Variants in ECSCR observed in about 807,000 individuals in gnomAD.
ECSCR encodes endothelial cell-specific chemotaxis regulator.
Under a neutral mutation model 16.7 loss-of-function variants are expected in ECSCR, and 12 were observed. The ratio of observed to expected loss-of-function variants is 0.72; its 90% CI spans 0.46 to 1.17. The LOEUF is 1.17. ECSCR is among the 50% of genes most tolerant of loss of function. ECSCR has a pLI of 0.00. For synonymous variants in ECSCR, 44 were observed against 42.2 expected (o/e 1.04, Z -0.17); for missense variants, 122 against 116.1 (o/e 1.05, Z -0.23).
chr5:139,458,704 G>A lies in ECSCR; in HGVS notation c.62-521C>T, dbSNP rs371897911. Among the ~76,000 whole-genome samples the A allele has an allele frequency of 2.1e-4, 32 of 151,332 alleles. No individual in the cohort carries two copies. In the Middle Eastern group the frequency reaches 0.01, roughly 49 times the overall value. ...TCTATTAAAAATACAAAAATTAGCA[G>A]GCCTGATGGCACACGCCTGTAATCC... On this transcript the variant is annotated intron_variant, in intron 1 of 9. Coordinates refer to ENST00000618155, the MANE Select transcript of ECSCR (RefSeq NM_001077693.4).
chr5:139,460,523 A>G (rs1327021403), intron 1 of ECSCR, among the ~76,000 whole-genome samples: 1 of 152,206 alleles, frequency 6.6e-6, no homozygotes, highest in African/African-American at 2.4e-5. Flanking sequence ...TCCTGCATTT[A>G]TCTAGAAAGA....
At position 139,448,993 on chromosome 5, in the gene ECSCR, A is replaced by T. The variant is rs1442326082; in HGVS notation, c.609+85T>A. ...GAGGGGAGAAAAGCCAGAGTCTTTGAAAGTATCTCCTTTCTGGCCTGAAAG... is the reference window on the plus strand; with the variant it reads ...GAGGGGAGAAAAGCCAGAGTCTTTGTAAGTATCTCCTTTCTGGCCTGAAAG... On this transcript the variant is annotated intron_variant, in intron 9 of 9. Coordinates refer to ENST00000618155, the MANE Select transcript of ECSCR (RefSeq NM_001077693.4). 2.0e-6 allele frequency: 3 copies of T among 1,534,322 alleles called. No individual in the cohort carries two copies. In the East Asian group the frequency reaches 7.3e-5, roughly 38 times the overall value.
chr5:139,459,210 AC>A (rs1307151971), intron 1 of ECSCR, among the ~76,000 whole-genome samples: 3 of 152,058 alleles, frequency 2.0e-5, no homozygotes, highest in Non-Finnish European at 4.4e-5. Flanking sequence ...AGCTACTGTC[AC>A]CCTGGTCCTG....
chr5:139,456,394 G>C (rs1299526835), intron 5 of ECSCR, 80 bp downstream of exon 5: 1 of 397,374 alleles, frequency 2.5e-6, no homozygotes, highest in African/African-American at 2.1e-5. Context: ...AAAAATCTGA[G>C]AGCCAAGGGA....
chr5:139,451,059 A>G (rs1170295875), intron 8 of ECSCR, among the ~76,000 whole-genome samples: 1 of 151,980 alleles, frequency 6.6e-6, no homozygotes, highest in Admixed American at 6.6e-5. Flanking sequence ...CTGGCCTCAG[A>G]GGAGCCTGTC....
At chr5:139,459,280 C>T (rs1260495708) in intron 1 of ECSCR, among the ~76,000 whole-genome samples, 2 of 152,080 alleles carry the variant, frequency 1.3e-5, no homozygotes, top group African/African-American at 4.8e-5. Flanking sequence ...GGGATTAGGG[C>T]TTGTATCTTG....
chr5:139,448,866 T>C lies in ECSCR; in HGVS notation c.*34A>G. The stretch of plus-strand genomic sequence containing the variant: ...TCCTTGTAGTCACAGGGCAGCTGCA[T>C]CATCCTTGGACTCATGGGGACCCAA... On this transcript the variant is annotated 3_prime_UTR_variant, in exon 10 of 10. Transcript: ENST00000618155. 11 of 1,537,054 alleles carry C rather than the reference T, an allele frequency of 7.2e-6. No individual in the cohort carries two copies. The highest frequency in any genetic ancestry group is 1.2e-5 in the South Asian group (1 of 83,986).
chr5:139,455,554 G>A, intron 5 of ECSCR, 118 bp from the exon 6 acceptor site: 1 of 386,828 alleles, frequency 2.6e-6, no homozygotes, highest in Non-Finnish European at 4.6e-6. Flanking sequence ...AGAGCTAGGA[G>A]GTCAGACTGG....
chr5:139,452,629 T>G, intron 8 of ECSCR, among the ~76,000 whole-genome samples: 1 of 138,208 alleles, frequency 7.2e-6, no homozygotes, highest in Non-Finnish European at 1.6e-5. Context: ...TGGTGTGTGA[T>G]GTGTGGGGTG....
chr5:139,449,485 G>T (rs558337978), intron 8 of ECSCR, among the ~76,000 whole-genome samples: 1 of 151,786 alleles, frequency 6.6e-6, no homozygotes, highest in East Asian at 1.9e-4. Context: ...TTACAAGCAC[G>T]TGCCACCATG....
chr5:139,453,827 G>A (rs1292082016), intron 8 of ECSCR, among the ~76,000 whole-genome samples: 12 of 122,696 alleles, frequency 9.8e-5, no homozygotes, highest in Non-Finnish European at 2.0e-4. Context: ...GGGATGTGTG[G>A]TGTGTGGGTA....
At chr5:139,458,300 C>A in intron 1 of ECSCR, 117 bp from the exon 2 acceptor site, 11 of 880,908 alleles carry the variant, frequency 1.2e-5, no homozygotes, top group Non-Finnish European at 1.5e-5. Context: ...GACCCTGTCT[C>A]TAAAAAAAAA....
At chr5:139,454,483 T>C (rs1425419795) in intron 8 of ECSCR, 119 bp downstream of exon 8, 2 of 385,826 alleles carry the variant, frequency 5.2e-6, no homozygotes, top group African/African-American at 4.3e-5. Context: ...GTGTGTGTGA[T>C]GTGTGAAGGT....
At position 139,457,556 on chromosome 5, in the gene ECSCR, G is replaced by C; in HGVS notation, c.206C>G (p.Thr69Ser). The C allele has an allele frequency of 1.3e-6, 1 of 789,950 alleles. No individual in the cohort carries two copies. 48.9% of individuals were successfully genotyped at this position (789,950 alleles called of 1,614,324 possible). A position where few individuals can be genotyped will look rare whatever the true frequency, so the allele number is the denominator to read the frequency against. Residue 69 changes from threonine (T) to serine (S), a missense_variant, in exon 4 of 10, where the codon ACT (threonine) becomes AGT (serine). Thr to Ser is a moderately conservative substitution (Grantham distance 58). Coordinates refer to ENST00000618155, the MANE Select transcript of ECSCR (RefSeq NM_001077693.4). ...GAATGACACAGTACCTGGGGTACCA[G>C]TGCTGGACAGATGGCTTGGCCTGTT... ...EANRPSHLSS[T>S]GTPGAGVPSS...
At position 139,456,464 on chromosome 5, in the gene ECSCR, C is replaced by T. The variant is rs2152089332; in HGVS notation, c.262+10G>A. ...CGACTTCTCTTCAGGGCGAGTGCAG[C>T]AGGACATACCTCTGCTTGTGCCTCC... On this transcript the variant is annotated intron_variant, in intron 5 of 9. Transcript: ENST00000618155. 2.5e-6 allele frequency: 1 copy of T among 398,622 alleles called. No individual in the cohort carries two copies. The highest frequency in any genetic ancestry group is 1.3e-4 in the South Asian group (1 of 7,856). The allele number at this position is 398,622 out of a possible 1,614,324, so 24.7% of individuals were successfully genotyped here. A position where few individuals can be genotyped will look rare whatever the true frequency, so the allele number is the denominator to read the frequency against.
intron 8 of ECSCR, among the ~76,000 whole-genome samples, chr5:139,453,796 T>C (rs1447722809): frequency 2.9e-5 from 2 of 68,900 alleles, no homozygotes; most frequent in Non-Finnish European, 3.1e-5. Context: ...GTACAGGGTG[T>C]GTGTGGTGTG....
rs1181378873 is a variant in ECSCR, at chr5:139,458,144, G to T, written c.101C>A (p.Ser34Tyr). 1 of 1,549,716 alleles carries T rather than the reference G, an allele frequency of 6.5e-7. No homozygotes were observed. Among genetic ancestry groups the T allele is most frequent in the Non-Finnish European group, 8.7e-7 (1 of 1,146,952 alleles). The stretch of plus-strand genomic sequence containing the variant: ...ACCCATGTGTTTGGTCTTACCCTGA[G>T]AGCTAGAGGTCTGGGTCATTGTGGG... ...SQPTMTQTSS[S>Y]QGGLGGLSLT... is the part of the protein sequence containing the mutation. The change falls in exon 2 of 10, where the codon TCT (serine) becomes TAT (tyrosine). Residue 34 changes from serine (S) to tyrosine (Y), a missense_variant. By Grantham distance (144) the Ser-to-Tyr change is moderately radical. Transcript: ENST00000618155.
At chr5:139,458,322 T>C in intron 1 of ECSCR, 139 bp from the exon 2 acceptor site, 1 of 770,554 alleles carries the variant, frequency 1.3e-6, no homozygotes, top group Non-Finnish European at 2.1e-6. Flanking sequence ...TTTGTTTTGT[T>C]TTGTTTTTTT....
intron 8 of ECSCR, among the ~76,000 whole-genome samples, chr5:139,450,407 G>T (rs990901520): frequency 6.6e-6 from 1 of 151,600 alleles, no homozygotes; most frequent in African/African-American, 2.4e-5. Context: ...GACAGGCTGA[G>T]GTGGGAGGAT....
Sources: allele counts gnomAD v4.1 joint callset (sites outside exome capture counted in the v4.1 genomes callset), GRCh38; gene constraint gnomAD v4.1.1; transcripts MANE v1.5; gene names NCBI Gene and HGNC (gene_info 2026-07-23, HGNC 2026-07-21).